TRMT44: variants seen among roughly 807,000 people sequenced by gnomAD.
The protein encoded by TRMT44 is probable tRNA (uracil-O(2)-)-methyltransferase.
A neutral mutation model predicts 77.3 loss-of-function variants in TRMT44; 78 were observed. That is an observed-to-expected ratio of 1.01 (90% CI 0.84 to 1.22). The LOEUF is 1.22. TRMT44 is among the 50% of genes most tolerant of loss of function. The pLI is 0.00. For synonymous variants in TRMT44, 391 were observed against 383.3 expected, an observed-to-expected ratio of 1.02 and a Z score of -0.23; for missense variants, 1,090 against 964.4, an observed-to-expected ratio of 1.13 and a Z score of -1.73.
rs1451220076 is a variant in TRMT44 at position 8,464,050 on chromosome 4, T to C, written c.1269T>C (p.His423=). The change falls in exon 7 of 11, where the codon CAT becomes CAC. Residue 423 remains histidine, a synonymous_variant. Coordinates refer to ENST00000389737, the MANE Select transcript of TRMT44 (RefSeq NM_152544.3). ...FPDVDWLIGN[H]SDELTPWIPV... ...ATGTTGATTGGTTAATCGGTAACCA[T>C]TCTGATGAACTCACACCATGGATAC... 6.2e-7 allele frequency: 1 copy of C among 1,614,004 alleles called. No homozygotes were observed. The highest frequency in any genetic ancestry group is 8.5e-7 in the Non-Finnish European group (1 of 1,180,012).
rs1414469595 is a variant in TRMT44, at chr4:8,441,142, G to A, written c.320G>A (p.Cys107Tyr). Residue 107 changes from cysteine to tyrosine, a missense_variant, in exon 1 of 11, where the codon TGC (cysteine) becomes TAC (tyrosine). Transcript: ENST00000389737. Reference protein sequence around the residue: ...CCELEEAQGQCQQEEAQREAA... With the variant: ...CCELEEAQGQYQQEEAQREAA... ...GAACTTGAGGAGGCCCAGGGCCAGT[G>A]CCAGCAAGAGGAGGCACAGAGGGAA... is the stretch of plus-strand genomic sequence containing the variant. The A allele has an allele frequency of 6.6e-7, 1 of 1,523,524 alleles. No individual in the cohort carries two copies. The highest frequency in any genetic ancestry group is 8.8e-7 in the Non-Finnish European group (1 of 1,138,254). The allele number at this position is 1,523,524 out of a possible 1,614,324, so 94.4% of individuals were successfully genotyped here. A position where few individuals can be genotyped will look rare whatever the true frequency, so the allele number is the denominator to read the frequency against.
intron 2 of TRMT44, among the ~76,000 whole-genome samples, chr4:8,489,990 T>A: frequency 6.6e-6 from 1 of 152,192 alleles, no homozygotes; most frequent in East Asian, 1.9e-4. Flanking sequence ...ATTGGCCTTT[T>A]GAGATATGTT....
At chr4:8,457,601 A>G (rs1286211466) in intron 6 of TRMT44, among the ~76,000 whole-genome samples, 1 of 152,174 alleles carries the variant, frequency 6.6e-6, no homozygotes, top group Non-Finnish European at 1.5e-5. Flanking sequence ...GTGGAAGAGA[A>G]CTACAAGAGA....
In TRMT44 at chr4:8,444,134, C is replaced by T. The variant is rs979751737; in HGVS notation, c.620-2342C>T. Among the ~76,000 whole-genome samples the T allele has an allele frequency of 6.6e-6, 1 of 152,118 alleles. No homozygotes were observed. Among genetic ancestry groups the T allele is most frequent in the Non-Finnish European group, 1.5e-5 (1 of 68,022 alleles). Reference sequence around the variant, plus strand: ...GAACGCCTGGTTTTCTCATCTAGAACAGAGGTTTCAGTCGGGGCAGTTTTG... The same window carrying T: ...GAACGCCTGGTTTTCTCATCTAGAATAGAGGTTTCAGTCGGGGCAGTTTTG... On this transcript the variant is annotated intron_variant, in intron 1 of 10. Coordinates refer to ENST00000389737, the MANE Select transcript of TRMT44 (RefSeq NM_152544.3). The surrounding 1 kb of genome is among the most constrained non-coding windows in gnomAD (Gnocchi z 4.0).
Position 8,452,434 on chromosome 4 carries a change from A to G in TRMT44, c.1023+406A>G, listed in dbSNP as rs921368882. ...TTTAATCATCTTGGTTTACTTATCT[A>G]TAAGAATGTTTAGAGTAGGCTGGGT... On this transcript the variant is annotated intron_variant, in intron 4 of 10. Coordinates refer to ENST00000389737, the MANE Select transcript of TRMT44 (RefSeq NM_152544.3). This position sits in a 1 kb window ranked among gnomAD's most constrained non-coding sequence, Gnocchi z 5.7. 1.3e-5 allele frequency among the ~76,000 whole-genome samples: 2 copies of G among 152,208 alleles called. No homozygotes were observed. The highest frequency in any genetic ancestry group is 4.8e-5 in the African/African-American group (2 of 41,448).
At position 8,465,448 on chromosome 4, in the gene TRMT44, A is replaced by C. The variant is rs761065928; in HGVS notation, c.1381A>C (p.Arg461=). ...FFDFIGRYSR[R]QSKKTQYREY... Reference sequence around the variant, plus strand: ...TGACTTCATTGGAAGATACTCCCGGAGGCAGAGTAAGAAGACTCAGTACCG... The same window carrying C: ...TGACTTCATTGGAAGATACTCCCGGCGGCAGAGTAAGAAGACTCAGTACCG... Residue 461 remains arginine (R), a synonymous_variant, in exon 8 of 11, where the codon AGG becomes CGG. Transcript: ENST00000389737. The C allele has an allele frequency of 8.1e-6, 13 of 1,614,126 alleles. No individual in the cohort carries two copies. The highest frequency in any genetic ancestry group is 1.1e-5 in the Non-Finnish European group (13 of 1,180,008).
chr4:8,453,949 A>G (rs1560225345), intron 5 of TRMT44, among the ~76,000 whole-genome samples: 1 of 152,178 alleles, frequency 6.6e-6, no homozygotes, highest in Non-Finnish European at 1.5e-5. Flanking sequence ...TTATTAAAGA[A>G]TGAGTTTCTA....
the TRMT44 span, among the ~76,000 whole-genome samples, chr4:8,505,435 C>T: frequency 5.9e-5 from 9 of 152,178 alleles, no homozygotes; most frequent in African/African-American, 2.2e-4. Flanking sequence ...AGCACCTCTG[C>T]AGCCCGGGCA....
At chr4:8,472,613 C>T (rs943977427) in intron 10 of TRMT44, among the ~76,000 whole-genome samples, 4 of 152,222 alleles carry the variant, frequency 2.6e-5, no homozygotes, top group African/African-American at 9.6e-5. Flanking sequence ...CTGCCTGCTC[C>T]TGGAGAGCTG....
At chr4:8,453,965 A>C (rs1383734080) in intron 5 of TRMT44, among the ~76,000 whole-genome samples, 2 of 152,190 alleles carry the variant, frequency 1.3e-5, no homozygotes, top group Admixed American at 1.3e-4. Flanking sequence ...TTCTAATCAT[A>C]ATACCTATAA....
the TRMT44 span, among the ~76,000 whole-genome samples, chr4:8,505,228 C>T: frequency 6.6e-6 from 1 of 152,236 alleles, no homozygotes; most frequent in South Asian, 2.1e-4. Context: ...CCGGCTGTGA[C>T]TCCTCACCCC....
intron 9 of TRMT44, 140 bp downstream of exon 9, chr4:8,468,486 G>A: frequency 1.2e-6 from 1 of 822,704 alleles, no homozygotes; most frequent in Non-Finnish European, 1.9e-6. Flanking sequence ...GGGTGCATAG[G>A]CTCTCTTCAA....
chr4:8,504,325 C>T, the TRMT44 span, among the ~76,000 whole-genome samples: 1 of 152,286 alleles, frequency 6.6e-6, no homozygotes, highest in South Asian at 2.1e-4. The surrounding 1 kb of genome is among the most constrained non-coding windows in gnomAD (Gnocchi z 5.3). Context: ...CCCCTCTGCC[C>T]GTGCCTGCTC....
Position 8,476,127 on chromosome 4 carries a change from C to G in TRMT44, c.*126C>G, listed in dbSNP as rs1007875333. ...GCCCACCTCCTCCCAGCTTTCTCCA[C>G]ATCCTCACAGTGATGAACCGTATTT... On this transcript the variant is annotated 3_prime_UTR_variant, in exon 11 of 11. Transcript: ENST00000389737. 2.5e-6 allele frequency: 2 copies of G among 814,420 alleles called. No individual in the cohort carries two copies. The highest frequency in any genetic ancestry group is 3.4e-5 in the African/African-American group (2 of 58,364). The allele number at this position is 814,420 out of a possible 1,614,324, so 50.4% of individuals were successfully genotyped here. A position where few individuals can be genotyped will look rare whatever the true frequency, so the allele number is the denominator to read the frequency against.
At chr4:8,505,777 T>A in the TRMT44 span, among the ~76,000 whole-genome samples, 1 of 152,264 alleles carries the variant, frequency 6.6e-6, no homozygotes, top group African/African-American at 2.4e-5. Flanking sequence ...AAGAACCTGG[T>A]GGGAGGTGAT....
At chr4:8,465,023 A>G (rs962980586) in intron 7 of TRMT44, among the ~76,000 whole-genome samples, 2 of 152,160 alleles carry the variant, frequency 1.3e-5, no homozygotes, top group East Asian at 3.9e-4. Context: ...TTGAGTACAC[A>G]GGGACATCAA....
rs1203553501 is a variant in TRMT44, at chr4:8,441,027, G to A, written c.205G>A (p.Glu69Lys). ...GACTAGCGCAGGCTCGGAGCAGAAG[G>A]AGCGGGGTCCGGGACCCGGCCAGGG... ...PGTSAGSEQK[E>K]RGPGPGQGSP... is the part of the protein sequence containing the mutation. Residue 69 changes from glutamate to lysine, a missense_variant, in exon 1 of 11, where the codon GAG (glutamate) becomes AAG (lysine). Transcript: ENST00000389737. The A allele has an allele frequency of 8.7e-6, 13 of 1,501,036 alleles. No homozygotes were observed. Among genetic ancestry groups the A allele is most frequent in the Non-Finnish European group, 1.1e-5 (12 of 1,131,838 alleles). 93.0% of individuals were successfully genotyped at this position (1,501,036 alleles called of 1,614,324 possible).
chr4:8,443,243 G>C (rs1283622816), intron 1 of TRMT44, among the ~76,000 whole-genome samples: 1 of 152,204 alleles, frequency 6.6e-6, no homozygotes, highest in African/African-American at 2.4e-5. Flanking sequence ...CCATCCACTG[G>C]ACTGAGGATT....
intron 8 of TRMT44, 119 bp from the exon 9 acceptor site, chr4:8,467,795 A>AT (rs1726694942): frequency 6.0e-6 from 7 of 1,175,396 alleles, no homozygotes; most frequent in Admixed American, 2.7e-5. Flanking sequence ...TTAAATCAGG[A>AT]TTTTTTCATG....
Sources: gnomAD v4.1 joint callset for allele counts (sites outside exome capture counted in the v4.1 genomes callset) on GRCh38, gnomAD v4.1.1 for gene constraint, Gnocchi (gnomAD v3.1) non-coding constraint, MANE v1.5 for transcripts, NCBI Gene and HGNC (gene_info 2026-07-23, HGNC 2026-07-21) for gene names.